GLIS1: variants seen among roughly 807,000 people sequenced by gnomAD.
GLIS1 encodes zinc finger protein GLIS1.
Under a neutral mutation model 63.8 loss-of-function variants are expected in GLIS1, and 24 were observed. The ratio of observed to expected loss-of-function variants is 0.38; its 90% CI spans 0.27 to 0.53. GLIS1 has a LOEUF of 0.53. Ranked by LOEUF, GLIS1 falls within the 20% of genes least tolerant of loss-of-function variation. The pLI, the probability that GLIS1 is intolerant of heterozygous loss-of-function variation, is 0.85. For missense variants in GLIS1, 1,036 were observed against 1,074.1 expected, an observed-to-expected ratio of 0.96 and a Z score of 0.50; for synonymous variants, 450 against 482.5, an observed-to-expected ratio of 0.93 and a Z score of 0.88.
intron 2 of GLIS1, among the ~76,000 whole-genome samples, chr1:53,683,947 A>G (rs966763898): frequency 6.6e-6 from 1 of 152,078 alleles, no homozygotes; most frequent in African/African-American, 2.4e-5. Context: ...GGACAATTTT[A>G]TGGAGCTCAG....
chr1:53,570,739 A>G (rs1382501380), intron 4 of GLIS1, among the ~76,000 whole-genome samples: 1 of 152,178 alleles, frequency 6.6e-6, no homozygotes, highest in African/African-American at 2.4e-5. Flanking sequence ...AATCCAACAA[A>G]CGGCTCCCAG....
At chr1:53,692,859 C>G (rs1646421498) in intron 2 of GLIS1, among the ~76,000 whole-genome samples, 1 of 152,242 alleles carries the variant, frequency 6.6e-6, no homozygotes, top group African/African-American at 2.4e-5. Flanking sequence ...GCACCGCCAC[C>G]CTAAGCAAAC....
intron 2 of GLIS1, among the ~76,000 whole-genome samples, chr1:53,693,243 G>A (rs976564893): frequency 3.3e-5 from 5 of 152,302 alleles, no homozygotes; most frequent in Middle Eastern, 3.4e-3. Context: ...GCAGAGAAGG[G>A]CTGTAACTTG....
At chr1:53,641,489 C>G (rs1217887051) in intron 2 of GLIS1, among the ~76,000 whole-genome samples, 1 of 152,170 alleles carries the variant, frequency 6.6e-6, no homozygotes, top group African/African-American at 2.4e-5. Context: ...GCCTCAGGTG[C>G]AAGTTCTGGC....
At chr1:53,519,863 G>A (rs1241773199) in intron 7 of GLIS1, among the ~76,000 whole-genome samples, 1 of 152,244 alleles carries the variant, frequency 6.6e-6, no homozygotes, top group Non-Finnish European at 1.5e-5. Context: ...AAGGCCAGGA[G>A]CAGAATGGGC....
intron 4 of GLIS1, among the ~76,000 whole-genome samples, chr1:53,571,920 C>G (rs1644988924): frequency 6.6e-6 from 1 of 152,088 alleles, no homozygotes; most frequent in Non-Finnish European, 1.5e-5. Context: ...ACTGCAGAGA[C>G]CACATACAGT....
At chr1:53,527,210 C>A (rs1002739185) in intron 5 of GLIS1, among the ~76,000 whole-genome samples, 4 of 152,210 alleles carry the variant, frequency 2.6e-5, no homozygotes, top group Non-Finnish European at 4.4e-5. Context: ...GCTCGGTGGC[C>A]TCGAATGGTC....
At chr1:53,674,003 CT>C (rs1324039648) in intron 2 of GLIS1, among the ~76,000 whole-genome samples, 1 of 152,016 alleles carries the variant, frequency 6.6e-6, no homozygotes, top group Non-Finnish European at 1.5e-5. Flanking sequence ...GAAACCCCGT[CT>C]CTATGAAAAA....
chr1:53,565,212 C>T (rs1206167253), intron 4 of GLIS1, among the ~76,000 whole-genome samples: 2 of 151,872 alleles, frequency 1.3e-5, no homozygotes, highest in African/African-American at 4.8e-5. Flanking sequence ...GCCAACACTA[C>T]ACATCAAAAA....
intron 4 of GLIS1, among the ~76,000 whole-genome samples, chr1:53,581,974 A>G (rs1427794867): frequency 2.0e-5 from 3 of 152,150 alleles, no homozygotes; most frequent in African/African-American, 7.2e-5. Flanking sequence ...CATTTTATAG[A>G]TGAGAAAACT....
chr1:53,700,705 C>T (rs903495301), intron 2 of GLIS1, among the ~76,000 whole-genome samples: 2 of 152,192 alleles, frequency 1.3e-5, no homozygotes, highest in African/African-American at 4.8e-5. Flanking sequence ...GGTGTGCACC[C>T]ATCACCACTA....
In GLIS1 at chr1:53,639,228, C is replaced by T. The variant is rs1443928406; in HGVS notation, c.260-38950G>A. Among the ~76,000 whole-genome samples the T allele has an allele frequency of 6.6e-6, 1 of 152,164 alleles. No individual in the cohort carries two copies. Among genetic ancestry groups the T allele is most frequent in the East Asian group, 1.9e-4 (1 of 5,186 alleles). On this transcript the variant is annotated intron_variant, in intron 2 of 10. Coordinates refer to ENST00000628545, the MANE Select transcript of GLIS1 (RefSeq NM_001367484.1). The surrounding 1 kb of genome is among the most constrained non-coding windows in gnomAD (Gnocchi z 4.6). ...CAGAGTACCCACATGACACTGGCCA[C>T]ACTCTCCAGCATTACACTAAGGGAG... is the stretch of plus-strand genomic sequence containing the variant.
At chr1:53,699,407 C>A (rs1173281124) in intron 2 of GLIS1, among the ~76,000 whole-genome samples, 3 of 152,122 alleles carry the variant, frequency 2.0e-5, no homozygotes, top group African/African-American at 7.2e-5. Flanking sequence ...GCTGCCATGA[C>A]AAAATACAAG....
Position 53,506,786 on chromosome 1 carries a change from G to A in GLIS1, c.2231-10C>T. On this transcript the variant is annotated splice_polypyrimidine_tract_variant and intron_variant, in intron 10 of 10. Coordinates refer to ENST00000628545, the MANE Select transcript of GLIS1 (RefSeq NM_001367484.1). ...GCCAGGGCCTCATAGCCTGTGAGTG[G>A]TTGGGAAAGGGTCAGCGCTGGAGGC... 1 of 1,606,740 alleles carries A rather than the reference G, an allele frequency of 6.2e-7. No individual in the cohort carries two copies. The highest frequency in any genetic ancestry group is 8.5e-7 in the Non-Finnish European group (1 of 1,179,538).
chr1:53,735,283 C>T (rs923410077), intron 2 of GLIS1, among the ~76,000 whole-genome samples: 1 of 152,228 alleles, frequency 6.6e-6, no homozygotes, highest in Non-Finnish European at 1.5e-5. Context: ...CTCACTCTGT[C>T]CCCTTTATCT....
rs202078060 is a variant in GLIS1 at position 53,529,771 on chromosome 1, C to T, written c.1482+20G>A. On this transcript the variant is annotated intron_variant, in intron 5 of 10. Coordinates refer to ENST00000628545, the MANE Select transcript of GLIS1 (RefSeq NM_001367484.1). ...TGGCCATCCTCCACCCCGCCCTGGG[C>T]CTCTGCCTGTTGGGCCTACCGTGTC... is the stretch of plus-strand genomic sequence containing the variant. 2.2e-5 allele frequency: 35 copies of T among 1,606,294 alleles called. No individual in the cohort carries two copies. In the African/African-American group the frequency reaches 2.3e-4, roughly 10 times the overall value.
At chr1:53,629,540 T>C (rs566277580) in intron 2 of GLIS1, among the ~76,000 whole-genome samples, 5 of 152,322 alleles carry the variant, frequency 3.3e-5, no homozygotes, top group Admixed American at 1.3e-4. Context: ...AGGGCATGGC[T>C]GGGCATCTTG....
chr1:53,589,108 G>A (rs1268282691), intron 4 of GLIS1, among the ~76,000 whole-genome samples: 4 of 152,098 alleles, frequency 2.6e-5, no homozygotes, highest in South Asian at 2.1e-4. Context: ...TCTGGGCCTC[G>A]GAGGTTTTTG....
intron 2 of GLIS1, among the ~76,000 whole-genome samples, chr1:53,661,791 C>T (rs1486366380): frequency 6.6e-6 from 1 of 152,160 alleles, no homozygotes; most frequent in Admixed American, 6.5e-5. Flanking sequence ...GTGGGACAGA[C>T]ACAACACTAC....
Sources: gnomAD v4.1 joint callset for allele counts (sites outside exome capture counted in the v4.1 genomes callset) on GRCh38, gnomAD v4.1.1 for gene constraint, Gnocchi (gnomAD v3.1) non-coding constraint, MANE v1.5 for transcripts, NCBI Gene and HGNC (gene_info 2026-07-23, HGNC 2026-07-21) for gene names.